DDX49: variants seen among roughly 807,000 people sequenced by gnomAD.
DDX49 encodes the protein DEAD-box helicase 49.
In DDX49, 50 loss-of-function variants were observed where a neutral mutation model predicts 56.3. The observed-to-expected ratio is 0.89, with a 90% confidence interval of 0.71 to 1.12. The LOEUF (loss-of-function observed/expected upper bound fraction) is 1.12, where lower values mean the gene tolerates loss of function less well. Ranked by LOEUF, DDX49 falls within the 50% of genes most tolerant of loss-of-function variation. The pLI, the probability that DDX49 is intolerant of heterozygous loss-of-function variation, is 0.00. For missense variants in DDX49, 614 were observed against 650.5 expected (o/e 0.94, Z 0.61); for synonymous variants, 269 against 270.6 (o/e 0.99, Z 0.06).
At chr19:18,923,455 G>C (rs1186776157) in intron 6 of DDX49, among the ~76,000 whole-genome samples, 2 of 152,174 alleles carry the variant, frequency 1.3e-5, no homozygotes, top group Admixed American at 6.5e-5. Context: ...CCGGTAGGTG[G>C]AGGTTACAGT....
Position 18,922,633 on chromosome 19 carries a change from G to A in DDX49, c.665G>A (p.Arg222His), listed in dbSNP as rs35802425. Reference sequence around the variant, plus strand: ...AGCACCGTGGAGCAGCTGGACCAGCGCTACCTGCTGGTGCCTGAGAAGGTC... The same window carrying A: ...AGCACCGTGGAGCAGCTGGACCAGCACTACCTGCTGGTGCCTGAGAAGGTC... Reference protein sequence around the residue: ...PVSTVEQLDQRYLLVPEKVKD... With the variant: ...PVSTVEQLDQHYLLVPEKVKD... The change falls in exon 6 of 13, where the codon CGC becomes CAC. Residue 222 changes from arginine to histidine, a missense_variant. Physicochemically the swap from Arg to His is conservative, Grantham distance 29. Coordinates refer to ENST00000247003, the MANE Select transcript of DDX49 (RefSeq NM_019070.5). The A allele has an allele frequency of 3.3e-3, 5,373 of 1,613,730 alleles. 145 individuals carry two copies. The African/African-American group carries it at 0.061, about 18-fold the overall frequency.
At chr19:18,923,538 G>T (rs946135852) in intron 6 of DDX49, among the ~76,000 whole-genome samples, 3 of 152,120 alleles carry the variant, frequency 2.0e-5, no homozygotes, top group Admixed American at 2.0e-4. Context: ...AGAGAGAAAA[G>T]TTTGGCTGCA....
intron 2 of DDX49, 39 bp downstream of exon 2, chr19:18,920,742 G>A: frequency 1.3e-6 from 2 of 1,567,498 alleles, no homozygotes; most frequent in Non-Finnish European, 1.7e-6. Flanking sequence ...GGGTTAACCA[G>A]CTGTGCTCTC....
In DDX49 at chr19:18,922,490, C is replaced by T. The variant is rs540892995; in HGVS notation, c.612C>T (p.Pro204=). 4 of 1,600,726 alleles carry T rather than the reference C, an allele frequency of 2.5e-6. No individual in the cohort carries two copies. In the South Asian group the frequency reaches 4.4e-5, roughly 18 times the overall value. ...RELQGLATNQ[P]FFWEAQAPVS... ...TGCAGGGTCTGGCCACCAACCAGCC[C>T]TTCTTCTGGGAAGCACAGGCCCCGT... The change falls in exon 5 of 13, where the codon CCC becomes CCT. Residue 204 remains proline (P), a synonymous_variant. Transcript: ENST00000247003.
At chr19:18,926,412 G>T in intron 10 of DDX49, 35 bp downstream of exon 10, 3 of 1,397,112 alleles carry the variant, frequency 2.1e-6, no homozygotes, top group South Asian at 2.5e-5. Flanking sequence ...AGAGAAGGAG[G>T]GGTGGGGTGG....
Position 18,921,648 on chromosome 19 carries a change from C to T in DDX49, c.240-15C>T. On this transcript the variant is annotated splice_polypyrimidine_tract_variant and intron_variant, in intron 2 of 12. Coordinates refer to ENST00000247003, the MANE Select transcript of DDX49 (RefSeq NM_019070.5). ...AACCACTACCTGACCCAGCCTGGCC[C>T]CTTCACACCCACAGGGAGCTGGCCT... 6.2e-7 allele frequency: 1 copy of T among 1,613,678 alleles called. No individual in the cohort carries two copies. The highest frequency in any genetic ancestry group is 1.1e-5 in the South Asian group (1 of 91,056).
At position 18,924,954 on chromosome 19, in the gene DDX49, C is replaced by T. The variant is rs1243666915; in HGVS notation, c.1002C>T (p.His334=). ...CCGGGCTCCCCAAGATCTACATCCA[C>T]CGAGTCGGCCGGACGGCCCGTGCAG... The part of the protein sequence containing the change: ...NTPGLPKIYI[H]RVGRTARAGR... The change falls in exon 9 of 13, where the codon CAC becomes CAT. Residue 334 remains histidine (H), a synonymous_variant. Coordinates refer to ENST00000247003, the MANE Select transcript of DDX49 (RefSeq NM_019070.5). The T allele has an allele frequency of 1.2e-6, 2 of 1,612,098 alleles. No individual in the cohort carries two copies.
chr19:18,921,306 G>A (rs531406584), intron 2 of DDX49, among the ~76,000 whole-genome samples: 1 of 152,186 alleles, frequency 6.6e-6, no homozygotes, highest in Non-Finnish European at 1.5e-5. Flanking sequence ...GAGAGGCCAG[G>A]ACAGAGTTGG....
Position 18,921,693 on chromosome 19 carries a change from C to T in DDX49, c.270C>T (p.Phe90=). Residue 90 remains phenylalanine, a synonymous_variant, in exon 3 of 13, where the codon TTC becomes TTT. Transcript: ENST00000247003. ...RELAYQIAEQ[F]RVLGKPLGLK... ...TGGCCTACCAGATCGCAGAGCAGTT[C>T]CGGGTCCTGGGGAAGCCTCTAGGGC... The T allele has an allele frequency of 6.2e-7, 1 of 1,614,162 alleles. No individual in the cohort carries two copies. The highest frequency in any genetic ancestry group is 8.5e-7 in the Non-Finnish European group (1 of 1,180,018).
rs2231998 is a variant in DDX49 at position 18,921,871 on chromosome 19, T to C, written c.354T>C (p.Ser118=). ...MDMVAQALEL[S]RKPHVVIATP... ...TGGTGGCCCAGGCGCTGGAGCTCTCTCGGAAACCACACGTGGTCATCGCCA... is the reference window on the plus strand; with the variant it reads ...TGGTGGCCCAGGCGCTGGAGCTCTCCCGGAAACCACACGTGGTCATCGCCA... The change falls in exon 4 of 13, where the codon TCT becomes TCC. Residue 118 remains serine, a synonymous_variant. Coordinates refer to ENST00000247003, the MANE Select transcript of DDX49 (RefSeq NM_019070.5). 7.2e-3 allele frequency: 11,695 copies of C among 1,613,974 alleles called. 559 individuals are homozygous for C. In the African/African-American group the frequency reaches 0.12, roughly 16 times the overall value.
At chr19:18,922,555 C>T (rs1235142362) in intron 5 of DDX49, 42 bp downstream of exon 5, 11 of 1,598,416 alleles carry the variant, frequency 6.9e-6, no homozygotes, top group African/African-American at 5.4e-5. Flanking sequence ...GCAGCCCCAT[C>T]CTACAGACAG....
Position 18,928,519 on chromosome 19 carries a change from G to C in DDX49, c.*203G>C, listed in dbSNP as rs939466312. On this transcript the variant is annotated 3_prime_UTR_variant, in exon 13 of 13. Coordinates refer to ENST00000247003, the MANE Select transcript of DDX49 (RefSeq NM_019070.5). ...TCCCTGAGCCCTGGCCAAGATTCAGGCTGCAGGGGAAGAAAGAACATGACC... is the reference window on the plus strand; with the variant it reads ...TCCCTGAGCCCTGGCCAAGATTCAGCCTGCAGGGGAAGAAAGAACATGACC... 2 of 575,152 alleles carry C rather than the reference G, an allele frequency of 3.5e-6. No individual in the cohort carries two copies. The highest frequency in any genetic ancestry group is 3.8e-5 in the African/African-American group (2 of 52,700). The allele number at this position is 575,152 out of a possible 1,614,324, so 35.6% of individuals were successfully genotyped here. A position where few individuals can be genotyped will look rare whatever the true frequency, so the allele number is the denominator to read the frequency against.
rs1404263794 is a variant in DDX49, at chr19:18,919,761, T to G, written c.20T>G (p.Leu7Arg). Residue 7 changes from leucine to arginine, a missense_variant, in exon 1 of 13, where the codon CTC (leucine) becomes CGC (arginine). Physicochemically the swap from Leu to Arg is moderately radical, Grantham distance 102. Transcript: ENST00000247003. MAGFAELGLSSWLVEQC... is the reference protein window; with the variant it reads MAGFAERGLSSWLVEQC... ...ACAAGGATGGCAGGCTTCGCGGAGC[T>G]CGGGCTGTCATCGTGGCTCGTGGAA... 1 of 1,610,686 alleles carries G rather than the reference T, an allele frequency of 6.2e-7. No homozygotes were observed. The highest frequency in any genetic ancestry group is 1.1e-5 in the South Asian group (1 of 90,980).
At chr19:18,922,239 A>T (rs182973292) in intron 4 of DDX49, 87 bp from the exon 5 acceptor site, 2 of 1,491,312 alleles carry the variant, frequency 1.3e-6, no homozygotes, top group Middle Eastern at 2.1e-4. Flanking sequence ...GTCCATGTCC[A>T]TGCCTCTCAA....
In DDX49 at chr19:18,927,846, T is replaced by G; in HGVS notation, c.1183T>G (p.Cys395Gly). The G allele has an allele frequency of 6.2e-7, 1 of 1,611,614 alleles. No individual in the cohort carries two copies. Among genetic ancestry groups the G allele is most frequent in the Non-Finnish European group, 8.5e-7 (1 of 1,179,462 alleles). Reference sequence around the variant, plus strand: ...ACAGGTCAACGTGGTGCGAAGAGAGTGTGAGATCGTGAGTGTCAGAGGCGG... The same window carrying G: ...ACAGGTCAACGTGGTGCGAAGAGAGGGTGAGATCGTGAGTGTCAGAGGCGG... ...LTQVNVVRRE[C>G]EIKLEAAHFD... The change falls in exon 11 of 13, where the codon TGT (cysteine) becomes GGT (glycine). Residue 395 changes from cysteine to glycine, a missense_variant. Coordinates refer to ENST00000247003, the MANE Select transcript of DDX49 (RefSeq NM_019070.5).
In DDX49 at chr19:18,919,725, T is replaced by A. The variant is rs1420057218; in HGVS notation, c.-17T>A. The A allele has an allele frequency of 6.2e-7, 1 of 1,604,792 alleles. No homozygotes were observed. Among genetic ancestry groups the A allele is most frequent in the Admixed American group, 1.7e-5 (1 of 59,548 alleles). ...CACACGGGCCCCTACAAGGGGCCCC[T>A]ACAAGCGGCCACAAGGATGGCAGGC... On this transcript the variant is annotated 5_prime_UTR_variant, in exon 1 of 13. Transcript: ENST00000247003.
Position 18,927,848 on chromosome 19 carries a change from T to C in DDX49, c.1185T>C (p.Cys395=), listed in dbSNP as rs762854527. The C allele has an allele frequency of 6.2e-7, 1 of 1,610,298 alleles. No individual in the cohort carries two copies. Among genetic ancestry groups the C allele is most frequent in the Non-Finnish European group, 8.5e-7 (1 of 1,177,206 alleles). The change falls in exon 11 of 13, where the codon TGT becomes TGC. Residue 395 remains cysteine (C), a synonymous_variant. Coordinates refer to ENST00000247003, the MANE Select transcript of DDX49 (RefSeq NM_019070.5). ...AGGTCAACGTGGTGCGAAGAGAGTG[T>C]GAGATCGTGAGTGTCAGAGGCGGGC... The part of the protein sequence containing the change: ...LTQVNVVRRE[C]EIKLEAAHFD...
intron 9 of DDX49, among the ~76,000 whole-genome samples, chr19:18,925,546 C>T (rs553576709): frequency 1.8e-4 from 27 of 152,296 alleles, no homozygotes; most frequent in African/African-American, 6.3e-4. Context: ...CAGTGTAAGA[C>T]TCTGTCTCAA....
chr19:18,924,348 A>G (rs954735698), intron 7 of DDX49, 40 bp downstream of exon 7: 11 of 1,441,816 alleles, frequency 7.6e-6, no homozygotes, highest in Non-Finnish European at 1.0e-5. Context: ...ACCCTGGGAT[A>G]CCTTCCCCGC....
Sources: allele counts gnomAD v4.1 joint callset (sites outside exome capture counted in the v4.1 genomes callset), GRCh38; gene constraint gnomAD v4.1.1; transcripts MANE v1.5; gene names NCBI Gene and HGNC (gene_info 2026-07-23, HGNC 2026-07-21).